TANC1: variants seen among roughly 807,000 people sequenced by gnomAD.
TANC1 encodes protein TANC1.
Under a neutral mutation model 149.7 loss-of-function variants are expected in TANC1, and 77 were observed. That is an observed-to-expected ratio of 0.51 (90% CI 0.43 to 0.62). The LOEUF is 0.62. TANC1 is among the 20% of genes least tolerant of loss of function. The pLI, the probability that TANC1 is intolerant of heterozygous loss-of-function variation, is 0.00. For synonymous variants in TANC1, 854 were observed against 925.0 expected (o/e 0.92, Z 1.39); for missense variants, 1,985 against 2,321.8 (o/e 0.85, Z 2.98).
At chr2:159,132,484 G>A (rs1176502464) in intron 4 of TANC1, among the ~76,000 whole-genome samples, 1 of 151,436 alleles carries the variant, frequency 6.6e-6, no homozygotes, top group Non-Finnish European at 1.5e-5. Flanking sequence ...GTTTTGTTTT[G>A]TTTTGTTTTT....
At chr2:159,094,652 C>T (rs2045896122) in intron 3 of TANC1, among the ~76,000 whole-genome samples, 2 of 152,096 alleles carry the variant, frequency 1.3e-5, no homozygotes, top group South Asian at 4.1e-4. Flanking sequence ...GAGGTGGTTT[C>T]TCAAAGATTC....
At chr2:159,033,889 C>A (rs1236662252) in intron 2 of TANC1, among the ~76,000 whole-genome samples, 1 of 152,144 alleles carries the variant, frequency 6.6e-6, no homozygotes, top group Non-Finnish European at 1.5e-5. Flanking sequence ...TAGTAGTTAT[C>A]CTTGAATGCG....
At chr2:159,136,049 T>TGTGTGTGTGTGTGTGCGA in intron 4 of TANC1, 145 bp from the exon 5 acceptor site, 1 of 90,882 alleles carries the variant, frequency 1.1e-5, no homozygotes. Flanking sequence ...TGTGTGTGTG[T>TGTGTGTGTGTGTGTGCGA]GCGCGCGCGC....
chr2:159,111,357 A>G (rs1299607208), intron 4 of TANC1, among the ~76,000 whole-genome samples: 1 of 152,238 alleles, frequency 6.6e-6, no homozygotes, highest in Non-Finnish European at 1.5e-5. Context: ...AAGCTGTGCA[A>G]CACAGCAGAG....
rs78370251 is a variant in TANC1 at position 159,178,835 on chromosome 2, G to A, written c.2182G>A (p.Val728Met). Residue 728 changes from valine (V) to methionine (M), a missense_variant, in exon 14 of 27, where the codon GTG (valine) becomes ATG (methionine). This residue lies in a region of TANC1 where 508 missense variants were observed against 714.2 expected (regional missense o/e 0.71). Transcript: ENST00000263635. Reference sequence around the variant, plus strand: ...GGTCATTAAGAGTGCCAGCTACAAGGTGGTGCCCGTGTCTCTCTCTGAGCT... The same window carrying A: ...GGTCATTAAGAGTGCCAGCTACAAGATGGTGCCCGTGTCTCTCTCTGAGCT... ...HLVIKSASYK[V>M]VPVSLSELYL... 4.4e-4 allele frequency: 712 copies of A among 1,614,188 alleles called. No individual in the cohort carries two copies. The African/African-American group carries it at 8.6e-3, about 19-fold the overall frequency.
rs973281115 is a variant in TANC1 at position 159,094,976 on chromosome 2, C to T, written c.62-2661C>T. On this transcript the variant is annotated intron_variant, in intron 3 of 26. Coordinates refer to ENST00000263635, the MANE Select transcript of TANC1 (RefSeq NM_033394.3). ...TTGTTTTTTTTTTGAGATGGAGTCT[C>T]GCACTGTTGCCCGAGCTAGAGTGCA... Among the ~76,000 whole-genome samples the T allele has an allele frequency of 5.9e-5, 9 of 151,590 alleles. No homozygotes were observed. In the South Asian group the frequency reaches 6.3e-4, roughly 11 times the overall value.
At chr2:159,118,251 C>T (rs535597828) in intron 4 of TANC1, among the ~76,000 whole-genome samples, 1 of 152,276 alleles carries the variant, frequency 6.6e-6, no homozygotes, top group South Asian at 2.1e-4. Context: ...TGTATGCATG[C>T]ATAGATGCTG....
At chr2:159,115,443 A>G (rs981873075) in intron 4 of TANC1, among the ~76,000 whole-genome samples, 31 of 152,096 alleles carry the variant, frequency 2.0e-4, no homozygotes, top group African/African-American at 7.5e-4. Context: ...AGTTTTAGGA[A>G]AAAGAATCTT....
intron 5 of TANC1, among the ~76,000 whole-genome samples, chr2:159,140,941 T>C (rs2051303946): frequency 6.6e-6 from 1 of 152,156 alleles, no homozygotes; most frequent in Non-Finnish European, 1.5e-5. Flanking sequence ...CCCACCCGCC[T>C]TGGCCTCCCA....
rs2036576790 is a variant in TANC1 at position 159,001,020 on chromosome 2, T to G, written c.-125-60T>G. 1 of 152,262 alleles carries G rather than the reference T, an allele frequency of 6.6e-6. No homozygotes were observed. Among genetic ancestry groups the G allele is most frequent in the South Asian group, 2.1e-4 (1 of 4,816 alleles). The allele number at this position is 152,262 out of a possible 1,614,324, so 9.4% of individuals were successfully genotyped here. On this transcript the variant is annotated intron_variant, in intron 1 of 26. Transcript: ENST00000263635. This position sits in a 1 kb window ranked among gnomAD's most constrained non-coding sequence, Gnocchi z 4.3. The stretch of plus-strand genomic sequence containing the variant: ...AAGTAATTGCTCAGGGTCATGGAGT[T>G]AATAAATGGTGGAGCGGAGCTTCTA...
intron 7 of TANC1, among the ~76,000 whole-genome samples, chr2:159,151,330 C>G (rs1047760886): frequency 6.6e-6 from 1 of 152,226 alleles, no homozygotes; most frequent in Non-Finnish European, 1.5e-5. Context: ...GCTCCAGTGT[C>G]TGTGTGACTC....
chr2:159,157,543 C>T (rs1463459686), intron 7 of TANC1, among the ~76,000 whole-genome samples: 2 of 152,196 alleles, frequency 1.3e-5, no homozygotes, highest in Non-Finnish European at 2.9e-5. Context: ...CTTCTGCGCG[C>T]GTTGCCTTGA....
At chr2:159,186,123 G>C (rs933425835) in intron 15 of TANC1, among the ~76,000 whole-genome samples, 4 of 152,200 alleles carry the variant, frequency 2.6e-5, no homozygotes, top group African/African-American at 9.7e-5. Flanking sequence ...GTATATCAGA[G>C]TGCTGTGCTT....
At chr2:159,122,783 G>T in intron 4 of TANC1, among the ~76,000 whole-genome samples, 1 of 140,320 alleles carries the variant, frequency 7.1e-6, no homozygotes, top group South Asian at 2.3e-4. Flanking sequence ...TTTTTTTGCA[G>T]AGTAATACTG....
intron 2 of TANC1, among the ~76,000 whole-genome samples, chr2:159,026,290 T>C (rs2039335246): frequency 6.6e-6 from 1 of 152,216 alleles, no homozygotes; most frequent in Admixed American, 6.5e-5. Context: ...CTTTAAAAGC[T>C]GTTGCCTAGC....
At chr2:159,051,650 T>TG (rs1491311794) in intron 2 of TANC1, among the ~76,000 whole-genome samples, 17 of 109,312 alleles carry the variant, frequency 1.6e-4, no homozygotes, top group Admixed American at 8.1e-4. Flanking sequence ...TGAAGTGGTG[T>TG]TTGTGTGTGT....
At chr2:159,101,030 C>T (rs965610030) in intron 4 of TANC1, among the ~76,000 whole-genome samples, 8 of 152,300 alleles carry the variant, frequency 5.3e-5, no homozygotes, top group East Asian at 1.9e-4. Flanking sequence ...TCTCCTTCCA[C>T]GCTGGCCCCA....
At chr2:159,229,547 T>C (rs181560683) in intron 26 of TANC1, 31 bp from the exon 27 acceptor site, 9 of 1,524,850 alleles carry the variant, frequency 5.9e-6, no homozygotes, top group Admixed American at 3.6e-5. Flanking sequence ...CGTGTGTGGT[T>C]TGTAATGTTA....
Position 159,147,522 on chromosome 2 carries a change from C to T in TANC1, c.365-1620C>T, listed in dbSNP as rs989003299. ...GGTTCCCGCCCTCCTTTCCCAAACG[C>T]CCAGCTACCTTGAGAATCAAAATGT... On this transcript the variant is annotated intron_variant, in intron 5 of 26. Coordinates refer to ENST00000263635, the MANE Select transcript of TANC1 (RefSeq NM_033394.3). 5 of 152,378 alleles carry T rather than the reference C, an allele frequency of 3.3e-5. 1 individual carries two copies. The highest frequency in any genetic ancestry group is 3.3e-4 in the Admixed American group (5 of 15,288). The allele number at this position is 152,378 out of a possible 1,614,324, so 9.4% of individuals were successfully genotyped here.
Sources: gnomAD v4.1 joint callset for allele counts (sites outside exome capture counted in the v4.1 genomes callset) on GRCh38, gnomAD v4.1.1 for gene constraint, gnomAD v4.1.1 regional missense constraint, Gnocchi (gnomAD v3.1) non-coding constraint, MANE v1.5 for transcripts, NCBI Gene and HGNC (gene_info 2026-07-23, HGNC 2026-07-21) for gene names.